SFPQ: variants seen among roughly 807,000 people sequenced by gnomAD.
SFPQ encodes the protein splicing factor, proline- and glutamine-rich.
In SFPQ, 11 loss-of-function variants were observed where a neutral mutation model predicts 72.9. That is an observed-to-expected ratio of 0.15 (90% confidence interval 0.09 to 0.25). The LOEUF is 0.25. Ranked by LOEUF, SFPQ falls within the 10% of genes least tolerant of loss-of-function variation. The pLI is 1.00. For missense variants in SFPQ, 847 were observed against 993.3 expected (o/e 0.85, Z 1.98); for synonymous variants, 506 against 367.3 (o/e 1.38, Z -4.32).
chr1:35,189,209 T>C lies in SFPQ; in HGVS notation c.1589A>G (p.His530Arg), dbSNP rs779566726. The part of the protein sequence containing the change: ...ESEMEDAYHE[H>R]QANLLRQDLM... ...ACCTTGGCGCAAAAGATTTGCCTGA[T>C]GTTCATGATAGGCATCTTCCATTTC... The change falls in exon 5 of 10, where the codon CAT becomes CGT. Residue 530 changes from histidine to arginine, a missense_variant. This residue lies in a region of SFPQ where 132 missense variants were observed against 255.4 expected (regional missense o/e 0.52). Transcript: ENST00000357214. 6.2e-7 allele frequency: 1 copy of C among 1,613,894 alleles called. No individual in the cohort carries two copies. The highest frequency in any genetic ancestry group is 1.3e-5 in the African/African-American group (1 of 74,926).
chr1:35,192,040 G>A (rs968264732), intron 1 of SFPQ, among the ~76,000 whole-genome samples, 182 bp downstream of exon 1: 2 of 151,640 alleles, frequency 1.3e-5, no homozygotes, highest in Admixed American at 1.3e-4. Flanking sequence ...GGGAGAGCAA[G>A]GCCCGGCGGC....
At chr1:35,178,900 A>AT (rs1639356037), downstream of SFPQ, 21 of 1,044,560 alleles carry the variant, frequency 2.0e-5, no homozygotes, top group African/African-American at 1.9e-4. Flanking sequence ...AAAAAAAAAA[A>AT]ATATTTTTTT....
At chr1:35,181,484 T>C (rs1011134091), downstream of SFPQ, 1 of 1,063,570 alleles carries the variant, frequency 9.4e-7, no homozygotes, top group South Asian at 4.6e-5. Flanking sequence ...GTGGTGGGGT[T>C]TGTAGTACTT....
At position 35,187,258 on chromosome 1, in the gene SFPQ, GAA is replaced by G; in HGVS notation, c.1816-9_1816-8del. The G allele has an allele frequency of 6.2e-7, 1 of 1,613,852 alleles. No homozygotes were observed. Among genetic ancestry groups the G allele is most frequent in the Non-Finnish European group, 8.5e-7 (1 of 1,179,858 alleles). On this transcript the variant is annotated splice_region_variant and splice_polypyrimidine_tract_variant and intron_variant, in intron 7 of 9. Transcript: ENST00000357214. The stretch of plus-strand genomic sequence containing the variant: ...TTCGCATGTCTCTTTCCCGCTGCAA[GAA>G]AAAAATTCCTTTCAATATACCTGCA...
At chr1:35,181,843 A>C, downstream of SFPQ, 1 of 984,934 alleles carries the variant, frequency 1.0e-6, no homozygotes, top group Non-Finnish European at 1.2e-6. Flanking sequence ...TACATTGAAG[A>C]CTTATTGAAA....
Position 35,192,630 on chromosome 1 carries a change from C to T in SFPQ, c.420G>A (p.Gly140=). The change falls in exon 1 of 10, where the codon GGG becomes GGA. Residue 140 remains glycine (G), a synonymous_variant. Transcript: ENST00000357214. ...SAPPATPPTS[G]APPGSGPGPT... ...GGCCTGGCCCGGACCCTGGCGGGGCCCCCGAGGTTGGTGGAGTGGCGGGCG... is the reference window on the plus strand; with the variant it reads ...GGCCTGGCCCGGACCCTGGCGGGGCTCCCGAGGTTGGTGGAGTGGCGGGCG... 1 of 1,373,428 alleles carries T rather than the reference C, an allele frequency of 7.3e-7. No individual in the cohort carries two copies. The highest frequency in any genetic ancestry group is 1.7e-5 in the South Asian group (1 of 59,320). The allele number at this position is 1,373,428 out of a possible 1,614,324, so 85.1% of individuals were successfully genotyped here. A position where few individuals can be genotyped will look rare whatever the true frequency, so the allele number is the denominator to read the frequency against.
chr1:35,188,445 C>T (rs1017614197), intron 6 of SFPQ, among the ~76,000 whole-genome samples: 5 of 152,170 alleles, frequency 3.3e-5, no homozygotes, highest in African/African-American at 4.8e-5. Flanking sequence ...TGCCTGTAAT[C>T]TCAGTACTTT....
intron 7 of SFPQ, 43 bp downstream of exon 7, chr1:35,187,930 T>C (rs891291039): frequency 7.2e-6 from 9 of 1,245,432 alleles, no homozygotes; most frequent in African/African-American, 3.0e-5. Context: ...ACCTGCAAGT[T>C]CTATAGACAA....
chr1:35,181,076 G>A, downstream of SFPQ: 3 of 1,064,936 alleles, frequency 2.8e-6, no homozygotes, highest in Non-Finnish European at 3.4e-6. Flanking sequence ...ATGCCAGAAT[G>A]CCCACGGAAT....
At chr1:35,188,138 T>C (rs1330603399) in intron 6 of SFPQ, 48 bp from the exon 7 acceptor site, 3 of 1,378,256 alleles carry the variant, frequency 2.2e-6, no homozygotes, top group South Asian at 1.2e-5. Flanking sequence ...CCACATCTTT[T>C]AGAATTCAAT....
rs964443593 is a variant in SFPQ at position 35,192,563 on chromosome 1, C to G, written c.487G>C (p.Gly163Arg). 2 of 1,327,712 alleles carry G rather than the reference C, an allele frequency of 1.5e-6. No individual in the cohort carries two copies. Among genetic ancestry groups the G allele is most frequent in the Non-Finnish European group, 1.9e-6 (2 of 1,045,076 alleles). The allele number at this position is 1,327,712 out of a possible 1,614,324, so 82.2% of individuals were successfully genotyped here. A position where few individuals can be genotyped will look rare whatever the true frequency, so the allele number is the denominator to read the frequency against. ...PPPAVTSAPP[G>R]APPPTPPSSG... ...CTTGGCGGGGTGGGTGGCGGCGCCC[C>G]GGGAGGGGCCGAGGTGACTGCAGGC... The change falls in exon 1 of 10, where the codon GGG becomes CGG. Residue 163 changes from glycine (G) to arginine (R), a missense_variant. Gly to Arg is a moderately radical substitution (Grantham distance 125, BLOSUM62 -2). Transcript: ENST00000357214.
chr1:35,184,259 A>AG lies in SFPQ; in HGVS notation c.*196dup, dbSNP rs1304428967. The AG allele has an allele frequency of 1.5e-6, 2 of 1,353,386 alleles. No homozygotes were observed. The highest frequency in any genetic ancestry group is 1.9e-6 in the Non-Finnish European group (2 of 1,062,006). The allele number at this position is 1,353,386 out of a possible 1,614,324, so 83.8% of individuals were successfully genotyped here. A position where few individuals can be genotyped will look rare whatever the true frequency, so the allele number is the denominator to read the frequency against. On this transcript the variant is annotated 3_prime_UTR_variant, in exon 10 of 10. Coordinates refer to ENST00000357214, the MANE Select transcript of SFPQ (RefSeq NM_005066.3). The stretch of plus-strand genomic sequence containing the variant: ...AAAAAGAAAAAATAAAGAAATAAAA[A>AG]GGAAAAAAAAATTCTCCTGTTCCAA...
At position 35,187,267 on chromosome 1, in the gene SFPQ, T is replaced by C; in HGVS notation, c.1816-16A>G. The C allele has an allele frequency of 6.2e-7, 1 of 1,613,532 alleles. No homozygotes were observed. Among genetic ancestry groups the C allele is most frequent in the Non-Finnish European group, 8.5e-7 (1 of 1,179,432 alleles). On this transcript the variant is annotated splice_polypyrimidine_tract_variant and intron_variant, in intron 7 of 9. Transcript: ENST00000357214. ...CTCTTTCCCGCTGCAAGAAAAAAATTCCTTTCAATATACCTGCACTATACC... is the reference window on the plus strand; with the variant it reads ...CTCTTTCCCGCTGCAAGAAAAAAATCCCTTTCAATATACCTGCACTATACC...
Position 35,192,836 on chromosome 1 carries a change from G to A in SFPQ, c.214C>T (p.Pro72Ser). ...PPPPHQQQQQ[P>S]PPQQPPPQQP... The stretch of plus-strand genomic sequence containing the variant: ...TGCGGCGGTGGCTGCTGCGGTGGTG[G>A]CTGTTGCTGCTGTTGGTGTGGAGGC... The change falls in exon 1 of 10, where the codon CCA becomes TCA. Residue 72 changes from proline (P) to serine (S), a missense_variant. Pro to Ser is a moderately conservative substitution (Grantham distance 74). This residue lies in a region of SFPQ where 498 missense variants were observed against 405.1 expected (regional missense o/e 1.23). Coordinates refer to ENST00000357214, the MANE Select transcript of SFPQ (RefSeq NM_005066.3). The A allele has an allele frequency of 1.3e-6, 2 of 1,521,186 alleles. No homozygotes were observed. Among genetic ancestry groups the A allele is most frequent in the East Asian group, 2.6e-5 (1 of 38,752 alleles). 94.2% of individuals were successfully genotyped at this position (1,521,186 alleles called of 1,614,324 possible).
In SFPQ at chr1:35,192,440, G is replaced by A. The variant is rs1314847242; in HGVS notation, c.610C>T (p.Pro204Ser). The change falls in exon 1 of 10, where the codon CCG becomes TCG. Residue 204 changes from proline (P) to serine (S), a missense_variant. By Grantham distance (74) the Pro-to-Ser change is moderately conservative. This residue lies in a region of SFPQ where 498 missense variants were observed against 405.1 expected (regional missense o/e 1.23). Transcript: ENST00000357214. ...ATTTTGCCGCCTTTGGGACCACCCG[G>A]ACCTGGGCCCTGCTTAGGCCCTGGA... ...PGPGPKQGPG[P>S]GGPKGGKMPG... The A allele has an allele frequency of 7.1e-7, 1 of 1,415,618 alleles. No homozygotes were observed. 87.7% of individuals were successfully genotyped at this position (1,415,618 alleles called of 1,614,324 possible). A position where few individuals can be genotyped will look rare whatever the true frequency, so the allele number is the denominator to read the frequency against.
chr1:35,179,246 A>C, downstream of SFPQ: 1 of 1,061,650 alleles, frequency 9.4e-7, no homozygotes. Flanking sequence ...TAACAATAGG[A>C]GACATGCAAC....
At chr1:35,182,881 T>TG, downstream of SFPQ, 7 of 1,045,922 alleles carry the variant, frequency 6.7e-6, no homozygotes, top group Non-Finnish European at 8.1e-6. Context: ...CAAAGTCTCT[T>TG]GTTCTAATGG....
In SFPQ at chr1:35,187,235, C is replaced by T. The variant is rs1414761631; in HGVS notation, c.1832G>A (p.Arg611Gln). 1.2e-6 allele frequency: 2 copies of T among 1,614,082 alleles called. No homozygotes were observed. The highest frequency in any genetic ancestry group is 1.7e-6 in the Non-Finnish European group (2 of 1,180,040). ...GYMDPRERDM[R>Q]MGGGGAMNMG... ...GTTCATTGCTCCTCCGCCACCCATTCGCATGTCTCTTTCCCGCTGCAAGAA... is the reference window on the plus strand; with the variant it reads ...GTTCATTGCTCCTCCGCCACCCATTTGCATGTCTCTTTCCCGCTGCAAGAA... The change falls in exon 8 of 10, where the codon CGA (arginine) becomes CAA (glutamine). Residue 611 changes from arginine to glutamine, a missense_variant. Around this residue, in one of 6 missense-constraint regions of SFPQ, gnomAD observed 154 missense variants for 186.0 expected, o/e 0.83. Coordinates refer to ENST00000357214, the MANE Select transcript of SFPQ (RefSeq NM_005066.3).
chr1:35,187,177 A>C (rs1412810643), intron 8 of SFPQ, 26 bp downstream of exon 8: 16 of 1,613,866 alleles, frequency 9.9e-6, no homozygotes, highest in African/African-American at 1.3e-5. Flanking sequence ...CTCTACTTAT[A>C]TCATTAATTT....
Sources: allele counts gnomAD v4.1 joint callset (sites outside exome capture counted in the v4.1 genomes callset), GRCh38; gene constraint gnomAD v4.1.1; regional missense constraint gnomAD v4.1.1; transcripts MANE v1.5; gene names NCBI Gene and HGNC (gene_info 2026-07-23, HGNC 2026-07-21).